The following YAP1 variants were observed in gnomAD, a reference collection of about 807,000 sequenced individuals.
YAP1 encodes Yes1 associated transcriptional regulator, also known as transcriptional coactivator YAP1.
A neutral mutation model predicts 56.9 loss-of-function variants in YAP1; 5 were observed. The observed-to-expected ratio is 0.09, with a 90% confidence interval of 0.05 to 0.18. YAP1 has a LOEUF of 0.18. YAP1 is among the 10% of genes least tolerant of loss of function. The pLI is 1.00. For synonymous variants in YAP1, 265 were observed against 248.1 expected, an observed-to-expected ratio of 1.07 and a Z score of -0.64; for missense variants, 539 against 651.8, an observed-to-expected ratio of 0.83 and a Z score of 1.88.
chr11:102,177,437 AATGTGAAAGTTT>A (rs986149512), intron 3 of YAP1, among the ~76,000 whole-genome samples: 17 of 152,118 alleles, frequency 1.1e-4, no homozygotes, highest in African/African-American at 3.6e-4. Flanking sequence ...TTGTCATGGA[AATGTGAAAGTTT>A]ATGTGAAAGT....
chr11:102,111,615 AG>A (rs1942922687), intron 1 of YAP1, among the ~76,000 whole-genome samples: 1 of 122,038 alleles, frequency 8.2e-6, no homozygotes, highest in South Asian at 2.6e-4. Context: ...GGAAAGGGGG[AG>A]GGGGGCCTCT....
chr11:102,230,039 G>A lies in YAP1; in HGVS notation c.*99G>A. ...CAGTTGCAGTTTTCAGGCTAATACA[G>A]AAAAAGATGAACAAACGTCCAGCAA... is the stretch of plus-strand genomic sequence containing the variant. On this transcript the variant is annotated 3_prime_UTR_variant, in exon 9 of 9. Coordinates refer to ENST00000282441, the MANE Select transcript of YAP1 (RefSeq NM_001130145.3). 1 of 986,726 alleles carries A rather than the reference G, an allele frequency of 1.0e-6. No individual in the cohort carries two copies. Among genetic ancestry groups the A allele is most frequent in the Non-Finnish European group, 1.5e-6 (1 of 648,772 alleles). The allele number at this position is 986,726 out of a possible 1,614,324, so 61.1% of individuals were successfully genotyped here.
intron 3 of YAP1, among the ~76,000 whole-genome samples, chr11:102,172,963 G>A (rs1947006649): frequency 6.6e-6 from 1 of 152,234 alleles, no homozygotes; most frequent in Non-Finnish European, 1.5e-5. Context: ...AGCATGAACA[G>A]AGTCTGTGAA....
intron 7 of YAP1, among the ~76,000 whole-genome samples, chr11:102,226,280 C>G (rs1165946438): frequency 2.0e-5 from 3 of 152,108 alleles, no homozygotes; most frequent in Non-Finnish European, 4.4e-5. Context: ...TTGGCAAAAT[C>G]TGGCAGAAGC....
At chr11:102,180,892 A>G (rs1947570222) in intron 3 of YAP1, among the ~76,000 whole-genome samples, 3 of 152,070 alleles carry the variant, frequency 2.0e-5, no homozygotes, top group African/African-American at 7.2e-5. Flanking sequence ...CGCACCTGTA[A>G]TCCCACCACT....
At chr11:102,204,391 A>G (rs1949020508) in intron 4 of YAP1, among the ~76,000 whole-genome samples, 1 of 152,172 alleles carries the variant, frequency 6.6e-6, no homozygotes, top group African/African-American at 2.4e-5. Context: ...CTAGGTATTG[A>G]GGACACATAG....
intron 3 of YAP1, among the ~76,000 whole-genome samples, chr11:102,164,315 G>A (rs1946471003): frequency 6.6e-6 from 1 of 152,120 alleles, no homozygotes; most frequent in African/African-American, 2.4e-5. Context: ...TAACAGGCGT[G>A]AGCCACCATG....
At chr11:102,155,962 G>GT (rs1281052721) in intron 2 of YAP1, among the ~76,000 whole-genome samples, 1 of 152,070 alleles carries the variant, frequency 6.6e-6, no homozygotes, top group Non-Finnish European at 1.5e-5. Context: ...CTGGTCCTTG[G>GT]TTGAGGGCAT....
At chr11:102,206,779 G>T (rs1313195423) in intron 5 of YAP1, among the ~76,000 whole-genome samples, 2 of 152,234 alleles carry the variant, frequency 1.3e-5, no homozygotes, top group South Asian at 2.1e-4. Flanking sequence ...GGAGGCAGAG[G>T]TTCGGTGAGC....
chr11:102,149,344 A>C (rs1565459515), intron 2 of YAP1, among the ~76,000 whole-genome samples: 1 of 152,212 alleles, frequency 6.6e-6, no homozygotes, highest in Admixed American at 6.5e-5. Context: ...AGATGGAATA[A>C]GATGGGTATG....
chr11:102,197,980 C>A (rs1305544512), intron 4 of YAP1, among the ~76,000 whole-genome samples: 4 of 152,142 alleles, frequency 2.6e-5, no homozygotes, highest in Non-Finnish European at 5.9e-5. Context: ...CAGGATGCTT[C>A]TGGAGAGGAA....
At chr11:102,179,571 G>A (rs954436939) in intron 3 of YAP1, among the ~76,000 whole-genome samples, 3 of 152,158 alleles carry the variant, frequency 2.0e-5, no homozygotes, top group African/African-American at 7.2e-5. Flanking sequence ...TGCCCGGAAT[G>A]TCACATGTTT....
At position 102,209,523 on chromosome 11, in the gene YAP1, C is replaced by T. The variant is rs193100333; in HGVS notation, c.991C>T (p.Arg331Trp). Reference sequence around the variant, plus strand: ...TCTTATTTTTTACTCTTAGGCAATGCGGAATATCAATCCCAGCACAGCAAA... The same window carrying T: ...TCTTATTTTTTACTCTTAGGCAATGTGGAATATCAATCCCAGCACAGCAAA... ...KQQELLRQAM[R>W]NINPSTANSP... Residue 331 changes from arginine (R) to tryptophan (W), a missense_variant, in exon 6 of 9, where the codon CGG becomes TGG. Arg to Trp is a moderately radical substitution (Grantham distance 101). This residue lies in a region of YAP1 where 414 missense variants were observed against 512.4 expected (regional missense o/e 0.81). Transcript: ENST00000282441. 306 of 1,603,500 alleles carry T rather than the reference C, an allele frequency of 1.9e-4. No individual in the cohort carries two copies. The highest frequency in any genetic ancestry group is 9.7e-4 in the East Asian group (43 of 44,394).
At chr11:102,205,547 A>G (rs1158105325) in intron 4 of YAP1, among the ~76,000 whole-genome samples, 2 of 151,990 alleles carry the variant, frequency 1.3e-5, no homozygotes, top group African/African-American at 4.8e-5. Flanking sequence ...TATCCTCTGA[A>G]TATGCAATAT....
intron 6 of YAP1, among the ~76,000 whole-genome samples, chr11:102,211,705 T>G (rs934064697): frequency 2.6e-5 from 4 of 152,106 alleles, no homozygotes; most frequent in African/African-American, 9.7e-5. Context: ...GTCATGTCTT[T>G]TCTTCTTTTT....
intron 2 of YAP1, among the ~76,000 whole-genome samples, chr11:102,152,516 A>C (rs1228860326): frequency 6.6e-6 from 1 of 152,168 alleles, no homozygotes; most frequent in Non-Finnish European, 1.5e-5. Context: ...TTTTAGTCTT[A>C]TTGTGGGCCC....
intron 6 of YAP1, among the ~76,000 whole-genome samples, chr11:102,221,271 T>C (rs2135689428): frequency 6.6e-6 from 1 of 152,280 alleles, no homozygotes. Flanking sequence ...AGGCAAACAA[T>C]TTTGGCATTT....
chr11:102,181,154 T>A (rs1413898919), intron 3 of YAP1, among the ~76,000 whole-genome samples: 1 of 142,374 alleles, frequency 7.0e-6, no homozygotes, highest in Non-Finnish European at 1.5e-5. Context: ...CTCAAAAAAA[T>A]AAAATAATAG....
In YAP1 at chr11:102,212,695, C is replaced by G. The variant is rs185987406; in HGVS notation, c.1032+3131C>G. ...TGCCTCCCGGGTTCAAATGATTCTG[C>G]CTCAGCCTCCCAAGTAGCTGGGATT... On this transcript the variant is annotated intron_variant, in intron 6 of 8. Transcript: ENST00000282441. Among the ~76,000 whole-genome samples, 184 of 152,236 alleles carry G rather than the reference C, an allele frequency of 1.2e-3. 1 individual carries two copies. Among genetic ancestry groups the G allele is most frequent in the African/African-American group, 4.3e-3 (178 of 41,546 alleles).
Sources: gnomAD v4.1 joint callset for allele counts (sites outside exome capture counted in the v4.1 genomes callset) on GRCh38, gnomAD v4.1.1 for gene constraint, gnomAD v4.1.1 regional missense constraint, MANE v1.5 for transcripts, NCBI Gene and HGNC (gene_info 2026-07-23, HGNC 2026-07-21) for gene names.